Variants in APPBP2 observed in about 807,000 individuals in gnomAD.
APPBP2 encodes amyloid protein-binding protein 2.
Under a neutral mutation model 76.0 loss-of-function variants are expected in APPBP2, and 15 were observed. That is an observed-to-expected ratio of 0.20 (90% CI 0.13 to 0.30). APPBP2 has a LOEUF of 0.30. Among genes scored for constraint, APPBP2 ranks in the 10% least tolerant of loss-of-function variants. The pLI, the probability that APPBP2 is intolerant of heterozygous loss-of-function variation, is 1.00. For missense variants in APPBP2, 401 were observed against 687.2 expected, an observed-to-expected ratio of 0.58 and a Z score of 4.66; for synonymous variants, 222 against 242.2, an observed-to-expected ratio of 0.92 and a Z score of 0.77.
intron 1 of APPBP2, among the ~76,000 whole-genome samples, chr17:60,504,141 TTTTAG>T (rs1328854867): frequency 2.0e-5 from 3 of 152,170 alleles, no homozygotes; most frequent in Non-Finnish European, 4.4e-5. Context: ...TTAAAACTTA[TTTTAG>T]TTTATATTAT....
chr17:60,523,108 A>G (rs2091023989), intron 1 of APPBP2, among the ~76,000 whole-genome samples: 1 of 152,098 alleles, frequency 6.6e-6, no homozygotes, highest in South Asian at 2.1e-4. Flanking sequence ...AATTTTGTCT[A>G]TGACTATGCC....
At position 60,512,784 on chromosome 17, in the gene APPBP2, G is replaced by A. The variant is rs530573998; in HGVS notation, c.139-12297C>T. 9.5e-4 allele frequency among the ~76,000 whole-genome samples: 7 copies of A among 7,406 alleles called. No individual in the cohort carries two copies. The East Asian group carries it at 0.075, about 79-fold the overall frequency. The allele number at this position is 7,406 out of a possible 152,430, so 4.9% of individuals were successfully genotyped here. A position where few individuals can be genotyped will look rare whatever the true frequency, so the allele number is the denominator to read the frequency against. On this transcript the variant is annotated intron_variant, in intron 1 of 12. Transcript: ENST00000083182. The stretch of plus-strand genomic sequence containing the variant: ...CAGGAGGCGGAGGTTGCAGTGAGCC[G>A]AGACTGCCCATTACACTCCAGCCTA...
chr17:60,505,752 C>T lies in APPBP2; in HGVS notation c.139-5265G>A, dbSNP rs149329506. 8.3e-3 allele frequency among the ~76,000 whole-genome samples: 1,100 copies of T among 133,292 alleles called. 14 individuals carry two copies. Among genetic ancestry groups the T allele is most frequent in the African/African-American group, 0.03 (1,016 of 33,426 alleles). 87.4% of individuals were successfully genotyped at this position (133,292 alleles called of 152,430 possible). ...CCCAGGCTAGAGTGTAGTGGTGCCACTTGGGATCACTACCTCTGCCTCCCG... is the reference window on the plus strand; with the variant it reads ...CCCAGGCTAGAGTGTAGTGGTGCCATTTGGGATCACTACCTCTGCCTCCCG... On this transcript the variant is annotated intron_variant, in intron 1 of 12. Transcript: ENST00000083182.
At chr17:60,467,840 G>A (rs936658307) in intron 4 of APPBP2, among the ~76,000 whole-genome samples, 2 of 152,108 alleles carry the variant, frequency 1.3e-5, no homozygotes, top group African/African-American at 4.8e-5. Context: ...AATAGCCCCT[G>A]AGAAGGGATG....
chr17:60,457,531 A>G (rs980443896), intron 9 of APPBP2, among the ~76,000 whole-genome samples: 4 of 151,972 alleles, frequency 2.6e-5, no homozygotes, highest in African/African-American at 9.7e-5. Flanking sequence ...GGCTCGGGTG[A>G]TCCTCCCACC....
chr17:60,511,370 A>G (rs2090911456), intron 1 of APPBP2, among the ~76,000 whole-genome samples: 1 of 152,130 alleles, frequency 6.6e-6, no homozygotes, highest in Admixed American at 6.6e-5. Flanking sequence ...GTGGATCATG[A>G]GGTCAGGAGA....
intron 9 of APPBP2, chr17:60,459,455 A>ATG (rs2090458952): frequency 6.9e-6 from 1 of 145,754 alleles, no homozygotes; most frequent in Admixed American, 6.8e-5. Context: ...AATTAGATAG[A>ATG]TGTCCACCTG....
chr17:60,496,662 T>A (rs1050039742), intron 2 of APPBP2, among the ~76,000 whole-genome samples: 1 of 152,182 alleles, frequency 6.6e-6, no homozygotes, highest in African/African-American at 2.4e-5. Flanking sequence ...CTCTATAATC[T>A]TAGCACACAG....
chr17:60,471,315 T>C (rs879098927), intron 4 of APPBP2, among the ~76,000 whole-genome samples: 2 of 152,180 alleles, frequency 1.3e-5, no homozygotes, highest in Admixed American at 6.5e-5. Context: ...TTATTTTTCT[T>C]GTCGAATTTC....
chr17:60,471,091 C>G (rs73326475), intron 4 of APPBP2, among the ~76,000 whole-genome samples: 12,498 of 152,040 alleles, frequency 0.082, 1,708 homozygotes, highest in African/African-American at 0.28. Flanking sequence ...GCCACAGGGC[C>G]CGGCCTCATT....
chr17:60,483,975 A>G lies in APPBP2; in HGVS notation c.380-4704T>C, dbSNP rs561785865. On this transcript the variant is annotated intron_variant, in intron 3 of 12. Transcript: ENST00000083182. The stretch of plus-strand genomic sequence containing the variant: ...CTAGCCAGTTTTCCCAGCACCATTT[A>G]TTAAATAGGGAATCCTTTCCTCATT... 3.9e-5 allele frequency among the ~76,000 whole-genome samples: 6 copies of G among 152,156 alleles called. No homozygotes were observed. The South Asian group carries it at 8.3e-4, about 21-fold the overall frequency.
At chr17:60,449,534 T>G (rs906780530) in intron 12 of APPBP2, among the ~76,000 whole-genome samples, 2 of 152,130 alleles carry the variant, frequency 1.3e-5, no homozygotes, top group African/African-American at 4.8e-5. Context: ...AGGTGGAGGC[T>G]GCAGTGAGCT....
chr17:60,514,858 C>A (rs541504087), intron 1 of APPBP2, among the ~76,000 whole-genome samples: 7 of 152,216 alleles, frequency 4.6e-5, no homozygotes, highest in Admixed American at 3.9e-4. Context: ...GGCTGGGGTG[C>A]AGCAGTGCAA....
At chr17:60,480,886 T>C (rs771734066) in intron 3 of APPBP2, among the ~76,000 whole-genome samples, 1 of 152,188 alleles carries the variant, frequency 6.6e-6, no homozygotes, top group African/African-American at 2.4e-5. Context: ...TTCCTGTATC[T>C]GTTAGTGAGG....
intron 5 of APPBP2, among the ~76,000 whole-genome samples, chr17:60,465,456 C>T (rs1266983132): frequency 1.3e-5 from 2 of 152,202 alleles, no homozygotes; most frequent in Non-Finnish European, 2.9e-5. Context: ...GCTTATTTAT[C>T]ACTAGAAGAT....
At chr17:60,520,734 CA>C (rs1353263929) in intron 1 of APPBP2, among the ~76,000 whole-genome samples, 3 of 152,018 alleles carry the variant, frequency 2.0e-5, no homozygotes, top group Non-Finnish European at 4.4e-5. Flanking sequence ...AAACTTCATT[CA>C]TTTTTTTAAA....
At position 60,526,057 on chromosome 17, in the gene APPBP2, C is replaced by A; in HGVS notation, c.-126G>T. On this transcript the variant is annotated 5_prime_UTR_variant, in exon 1 of 13. Transcript: ENST00000083182. ...CGGTGGCAGCCACGCGGGCGCACGG[C>A]AGAAGGCACGGCCGCCCTGCCTCCT... 2.1e-6 allele frequency: 2 copies of A among 944,630 alleles called. No homozygotes were observed. Among genetic ancestry groups the A allele is most frequent in the Non-Finnish European group, 1.6e-6 (1 of 643,646 alleles). The allele number at this position is 944,630 out of a possible 1,614,324, so 58.5% of individuals were successfully genotyped here.
chr17:60,476,098 C>T (rs2090589111), intron 4 of APPBP2, among the ~76,000 whole-genome samples: 1 of 151,986 alleles, frequency 6.6e-6, no homozygotes, highest in African/African-American at 2.4e-5. Flanking sequence ...TTTGGCCAGA[C>T]ATGTATAAGC....
At chr17:60,494,320 G>A in intron 3 of APPBP2, 146 bp downstream of exon 3, 1 of 737,438 alleles carries the variant, frequency 1.4e-6, no homozygotes, top group Middle Eastern at 2.9e-4. Context: ...ATAGTATAAT[G>A]CTTTGGCATG....
Sources: allele counts gnomAD v4.1 joint callset (sites outside exome capture counted in the v4.1 genomes callset), GRCh38; gene constraint gnomAD v4.1.1; transcripts MANE v1.5; gene names NCBI Gene and HGNC (gene_info 2026-07-23, HGNC 2026-07-21).